RBFOX1: variants seen among roughly 807,000 people sequenced by gnomAD.
RBFOX1 encodes RNA binding fox-1 homolog 1.
In RBFOX1, 8 loss-of-function variants were observed where a neutral mutation model predicts 57.7. That is an observed-to-expected ratio of 0.14 (90% CI 0.08 to 0.25). RBFOX1 has a LOEUF of 0.25. Among genes scored for constraint, RBFOX1 ranks in the 10% least tolerant of loss-of-function variants. The pLI is 1.00. For missense variants in RBFOX1, 611 were observed against 548.5 expected, an observed-to-expected ratio of 1.11 and a Z score of -1.14; for synonymous variants, 326 against 222.4, an observed-to-expected ratio of 1.47 and a Z score of -4.15.
chr16:6,381,203 A>G (rs2091779172), intron 2 of RBFOX1, among the ~76,000 whole-genome samples: 1 of 152,166 alleles, frequency 6.6e-6, no homozygotes, highest in Non-Finnish European at 1.5e-5. Context: ...TAGATTTAAG[A>G]TGTGTAAGTA....
At chr16:7,597,483 A>C in intron 9 of RBFOX1, 52 bp downstream of exon 9, 1 of 1,459,612 alleles carries the variant, frequency 6.9e-7, no homozygotes, top group South Asian at 1.2e-5. Flanking sequence ...CTGACTCTTT[A>C]AGTAATTTAA....
chr16:7,450,256 T>C (rs940430495), intron 4 of RBFOX1, among the ~76,000 whole-genome samples: 4 of 151,836 alleles, frequency 2.6e-5, no homozygotes, highest in Non-Finnish European at 5.9e-5. Flanking sequence ...TAGCTGGGCA[T>C]GGTGACATAC....
intron 1 of RBFOX1, among the ~76,000 whole-genome samples, chr16:6,034,194 G>C (rs2095330441): frequency 1.3e-5 from 2 of 151,704 alleles, no homozygotes; most frequent in Non-Finnish European, 2.9e-5. Flanking sequence ...AATTAGCTGG[G>C]GGTGGTGGTG....
chr16:5,887,231 C>G (rs548370283), intron 4 of RBFOX1, among the ~76,000 whole-genome samples: 1 of 152,130 alleles, frequency 6.6e-6, no homozygotes, highest in Non-Finnish European at 1.5e-5. Context: ...TTCAGGAATC[C>G]CCCATGCATG....
At chr16:6,865,850 C>T (rs923615378) in intron 3 of RBFOX1, among the ~76,000 whole-genome samples, 6 of 151,956 alleles carry the variant, frequency 3.9e-5, no homozygotes, top group Non-Finnish European at 8.8e-5. Context: ...CTCTTTTTTG[C>T]GTGTAGGCTT....
intron 3 of RBFOX1, among the ~76,000 whole-genome samples, chr16:6,939,962 G>A (rs2078071715): frequency 1.3e-5 from 2 of 152,160 alleles, no homozygotes; most frequent in Non-Finnish European, 2.9e-5. Context: ...TGACATGGGT[G>A]GAATTTAAAG....
At chr16:6,853,617 A>T (rs1284676820) in intron 3 of RBFOX1, among the ~76,000 whole-genome samples, 1 of 152,150 alleles carries the variant, frequency 6.6e-6, no homozygotes, top group Non-Finnish European at 1.5e-5. Flanking sequence ...AAGCAGTTTG[A>T]TGGGATTAAT....
chr16:5,295,981 C>A (rs967355362), intron 1 of RBFOX1, among the ~76,000 whole-genome samples: 1 of 152,182 alleles, frequency 6.6e-6, no homozygotes, highest in Admixed American at 6.5e-5. Flanking sequence ...ATTAACTTCA[C>A]TGTTATTTAT....
At chr16:6,362,382 C>A (rs1441749939) in intron 2 of RBFOX1, among the ~76,000 whole-genome samples, 1 of 152,010 alleles carries the variant, frequency 6.6e-6, no homozygotes, top group Non-Finnish European at 1.5e-5. Context: ...TTCCCAAATG[C>A]TTGGGAAGTT....
At chr16:5,295,263 C>G (rs1256389230) in intron 1 of RBFOX1, among the ~76,000 whole-genome samples, 4 of 152,108 alleles carry the variant, frequency 2.6e-5, no homozygotes, top group African/African-American at 9.7e-5. Flanking sequence ...GAGACCAGAA[C>G]TCTGAAATCA....
chr16:7,077,154 A>C (rs181488775), intron 4 of RBFOX1, among the ~76,000 whole-genome samples: 2 of 152,262 alleles, frequency 1.3e-5, no homozygotes, highest in East Asian at 3.9e-4. Flanking sequence ...CTCTGGGGGA[A>C]TTATTCCTCT....
At position 7,064,804 on chromosome 16, in the gene RBFOX1, C is replaced by T. The variant is rs188712612; in HGVS notation, c.27+12706C>T. ...AGCCCCCCGAACTTGATAGTTCATC[C>T]TGATGTGTATTGGTACCTCTGATTT... On this transcript the variant is annotated intron_variant, in intron 4 of 15. Transcript: ENST00000550418. Among the ~76,000 whole-genome samples, 390 of 152,330 alleles carry T rather than the reference C, an allele frequency of 2.6e-3. 2 individuals carry two copies. Among genetic ancestry groups the T allele is most frequent in the Middle Eastern group, 0.017 (5 of 294 alleles).
intron 2 of RBFOX1, among the ~76,000 whole-genome samples, chr16:6,533,574 G>A (rs150220540): frequency 1.1e-3 from 164 of 151,954 alleles, no homozygotes; most frequent in African/African-American, 3.9e-3. Context: ...GTAACATACA[G>A]AGTCAAGTGA....
At chr16:5,506,455 C>T (rs2043382317) in intron 2 of RBFOX1, among the ~76,000 whole-genome samples, 2 of 152,078 alleles carry the variant, frequency 1.3e-5, no homozygotes, top group East Asian at 1.9e-4. Flanking sequence ...TGAACCCAGA[C>T]CAGAGAAAAA....
At chr16:7,560,468 C>G (rs1295949664) in intron 5 of RBFOX1, among the ~76,000 whole-genome samples, 4 of 151,320 alleles carry the variant, frequency 2.6e-5, no homozygotes, top group African/African-American at 9.7e-5. Context: ...AGTCTTGTTG[C>G]TGCTCCGGAT....
chr16:6,989,098 T>A (rs1028763078), intron 3 of RBFOX1, among the ~76,000 whole-genome samples: 1 of 152,098 alleles, frequency 6.6e-6, no homozygotes, highest in Non-Finnish European at 1.5e-5. Context: ...GATTTCGCCA[T>A]GTTGGGCAGG....
chr16:7,376,753 A>T (rs1201031148), intron 4 of RBFOX1, among the ~76,000 whole-genome samples: 2 of 152,194 alleles, frequency 1.3e-5, no homozygotes, highest in Non-Finnish European at 2.9e-5. Flanking sequence ...AAATAACCGG[A>T]AAGTTAAAAC....
At chr16:6,824,928 T>C (rs1042314009) in intron 3 of RBFOX1, among the ~76,000 whole-genome samples, 13 of 150,586 alleles carry the variant, frequency 8.6e-5, no homozygotes, top group African/African-American at 3.2e-4. Flanking sequence ...CAACCATTGG[T>C]ACATGATTAA....
chr16:7,300,337 A>G (rs368174245), intron 4 of RBFOX1, among the ~76,000 whole-genome samples: 1 of 152,122 alleles, frequency 6.6e-6, no homozygotes, highest in Non-Finnish European at 1.5e-5. Context: ...CTAACTAAAT[A>G]TGATTCAGGT....
Sources: allele counts gnomAD v4.1 joint callset (sites outside exome capture counted in the v4.1 genomes callset), GRCh38; gene constraint gnomAD v4.1.1; transcripts MANE v1.5; gene names NCBI Gene and HGNC (gene_info 2026-07-23, HGNC 2026-07-21).